ADGRB3: variants seen among roughly 807,000 people sequenced by gnomAD.
The protein encoded by ADGRB3 is brain-specific angiogenesis inhibitor 3.
In ADGRB3, 37 loss-of-function variants were observed where a neutral mutation model predicts 193.4. The observed-to-expected ratio is 0.19, with a 90% CI of 0.15 to 0.25. The LOEUF is 0.25. Ranked by LOEUF, ADGRB3 falls within the 10% of genes least tolerant of loss-of-function variation. The probability of loss-of-function intolerance (pLI) is 1.00; values close to 1 mark genes in which losing one functional copy is unlikely to be tolerated. For synonymous variants in ADGRB3, 690 were observed against 644.2 expected (o/e 1.07, Z -1.08); for missense variants, 1,637 against 1,852.9 (o/e 0.88, Z 2.14).
chr6:68,693,495 A>C (rs1336006607), intron 3 of ADGRB3, among the ~76,000 whole-genome samples: 2 of 152,000 alleles, frequency 1.3e-5, no homozygotes, highest in Non-Finnish European at 2.9e-5. Context: ...AATTTAAGGA[A>C]ACTCAAGTTG....
intron 17 of ADGRB3, among the ~76,000 whole-genome samples, chr6:69,191,060 GTGT>G (rs1765176725): frequency 6.6e-6 from 1 of 152,144 alleles, no homozygotes; most frequent in South Asian, 2.1e-4. Context: ...TATTTGTATG[GTGT>G]TGTTGAGTTT....
chr6:68,646,097 A>T (rs971802583), intron 3 of ADGRB3, among the ~76,000 whole-genome samples: 1 of 152,242 alleles, frequency 6.6e-6, no homozygotes, highest in Non-Finnish European at 1.5e-5. Flanking sequence ...CTCATAAAAT[A>T]TTAAAAATTG....
At chr6:68,678,820 A>T (rs1436191679) in intron 3 of ADGRB3, among the ~76,000 whole-genome samples, 4 of 152,158 alleles carry the variant, frequency 2.6e-5, no homozygotes, top group Non-Finnish European at 2.9e-5. Flanking sequence ...GATTCAGTGA[A>T]ACTCTTGAAT....
At chr6:69,100,442 A>G (rs1773000075) in intron 17 of ADGRB3, among the ~76,000 whole-genome samples, 1 of 152,226 alleles carries the variant, frequency 6.6e-6, no homozygotes, top group African/African-American at 2.4e-5. Context: ...AAGTTATAAG[A>G]GAGACAGAGA....
intron 20 of ADGRB3, among the ~76,000 whole-genome samples, chr6:69,317,064 C>T (rs1768328244): frequency 6.6e-6 from 1 of 151,396 alleles, no homozygotes; most frequent in African/African-American, 2.4e-5. Context: ...TGGAGATGTT[C>T]TAAATTTTTA....
chr6:68,681,793 A>G (rs1764901656), intron 3 of ADGRB3, among the ~76,000 whole-genome samples: 1 of 152,186 alleles, frequency 6.6e-6, no homozygotes, highest in Non-Finnish European at 1.5e-5. Flanking sequence ...ATTTAATCCA[A>G]CAGAGATTCA....
At chr6:68,772,912 TATATATATATATATATATATACATACAC>T (rs1562023451) in intron 3 of ADGRB3, among the ~76,000 whole-genome samples, 3 of 52,150 alleles carry the variant, frequency 5.8e-5, no homozygotes, top group African/African-American at 3.1e-4. Context: ...TATATATATA[TATATATATATATATATATATACATACAC>T]ACACAAAAAT....
intron 3 of ADGRB3, among the ~76,000 whole-genome samples, chr6:68,649,635 A>G (rs1218724064): frequency 1.3e-5 from 2 of 152,228 alleles, no homozygotes; most frequent in Non-Finnish European, 2.9e-5. Flanking sequence ...GAGTCTGTAT[A>G]GATTTACTAA....
chr6:68,761,961 T>C (rs1192631742), intron 3 of ADGRB3, among the ~76,000 whole-genome samples: 1 of 152,182 alleles, frequency 6.6e-6, no homozygotes, highest in Non-Finnish European at 1.5e-5. Flanking sequence ...ATATCAATCA[T>C]ATAATGATTT....
intron 3 of ADGRB3, among the ~76,000 whole-genome samples, chr6:68,914,334 CA>C: frequency 6.6e-6 from 1 of 152,296 alleles, no homozygotes; most frequent in South Asian, 2.1e-4. Context: ...ATCAGACTAA[CA>C]GCGGATCTCT....
chr6:68,814,764 A>C (rs1221895122), intron 3 of ADGRB3, among the ~76,000 whole-genome samples: 1 of 124,244 alleles, frequency 8.0e-6, no homozygotes, highest in Non-Finnish European at 1.7e-5. Flanking sequence ...CGAATCCAGC[A>C]GCACATCAAA....
At chr6:68,967,781 T>C (rs924140714) in intron 8 of ADGRB3, among the ~76,000 whole-genome samples, 12 of 151,784 alleles carry the variant, frequency 7.9e-5, no homozygotes, top group African/African-American at 2.9e-4. Context: ...TGGAGAAAGA[T>C]AAAGGAGAGG....
chr6:69,318,369 T>G (rs2127304408), intron 20 of ADGRB3, among the ~76,000 whole-genome samples: 1 of 151,620 alleles, frequency 6.6e-6, no homozygotes, highest in South Asian at 2.1e-4. Context: ...TCTGTTGATG[T>G]AATAAATTAT....
At chr6:68,781,225 G>T (rs1766846635) in intron 3 of ADGRB3, among the ~76,000 whole-genome samples, 1 of 152,082 alleles carries the variant, frequency 6.6e-6, no homozygotes, top group African/African-American at 2.4e-5. Context: ...TCTGACTTAT[G>T]AGGTCATAAA....
chr6:69,190,861 C>T (rs1765171328), intron 17 of ADGRB3, among the ~76,000 whole-genome samples: 1 of 152,124 alleles, frequency 6.6e-6, no homozygotes, highest in African/African-American at 2.4e-5. Context: ...CAATTGCCTA[C>T]ATCAGTCAGT....
chr6:68,653,916 C>G (rs1768432072), intron 3 of ADGRB3, among the ~76,000 whole-genome samples: 1 of 151,918 alleles, frequency 6.6e-6, no homozygotes, highest in African/African-American at 2.4e-5. Context: ...CCCTCTCTCC[C>G]TCTCTTCCTC....
At chr6:69,383,595 G>GTCGAAAGC (rs1769997482) in intron 31 of ADGRB3, among the ~76,000 whole-genome samples, 1 of 151,938 alleles carries the variant, frequency 6.6e-6, no homozygotes, top group Admixed American at 6.6e-5. Context: ...CAGTATACTA[G>GTCGAAAGC]TCGAAAGCTC....
intron 31 of ADGRB3, among the ~76,000 whole-genome samples, chr6:69,388,054 T>C (rs1402085573): frequency 6.6e-6 from 1 of 152,150 alleles, no homozygotes; most frequent in Non-Finnish European, 1.5e-5. Context: ...ATAGAATTTA[T>C]TGGTATACAA....
intron 17 of ADGRB3, among the ~76,000 whole-genome samples, chr6:69,108,367 A>G (rs1045292745): frequency 6.7e-6 from 1 of 149,014 alleles, no homozygotes; most frequent in African/African-American, 2.4e-5. Flanking sequence ...TCCATTTGTA[A>G]ATGGCATGGC....
Sources: gnomAD v4.1 joint callset for allele counts (sites outside exome capture counted in the v4.1 genomes callset) on GRCh38, gnomAD v4.1.1 for gene constraint, MANE v1.5 for transcripts, NCBI Gene and HGNC (gene_info 2026-07-23, HGNC 2026-07-21) for gene names.